Variants in EDNRB observed in about 807,000 individuals in gnomAD.
EDNRB encodes Hirschsprung disease 2.
EDNRB carries 18 observed loss-of-function variants against 46.4 expected under a neutral mutation model. The ratio of observed to expected loss-of-function variants is 0.39; its 90% confidence interval spans 0.27 to 0.57. The LOEUF (loss-of-function observed/expected upper bound fraction) is 0.57. EDNRB is among the 20% of genes least tolerant of loss of function. The pLI is 0.61. For missense variants in EDNRB, 434 were observed against 537.5 expected (o/e 0.81, Z 1.90); for synonymous variants, 213 against 204.9 (o/e 1.04, Z -0.34).
intron 1 of EDNRB, among the ~76,000 whole-genome samples, chr13:77,972,150 A>C (rs1881754664): frequency 6.6e-6 from 1 of 152,162 alleles, no homozygotes; most frequent in South Asian, 2.1e-4. Context: ...TAGCAGAGAG[A>C]GCTTGGCATG....
chr13:77,929,253 C>A (rs1880320372), intron 1 of EDNRB, among the ~76,000 whole-genome samples: 1 of 152,030 alleles, frequency 6.6e-6, no homozygotes. Flanking sequence ...ATAAGAGGAC[C>A]AAAATATACA....
At chr13:77,969,720 C>G (rs1415501148) in intron 1 of EDNRB, among the ~76,000 whole-genome samples, 1 of 152,170 alleles carries the variant, frequency 6.6e-6, no homozygotes, top group African/African-American at 2.4e-5. Flanking sequence ...GGATAATGTG[C>G]TTATGACTGG....
rs1315681281 is a variant in EDNRB, at chr13:77,918,686, G to A, written c.-113C>T. ...GGTCAGCTGCCCGAGCCAAGTCGCTGCAAACGCTAATACCGCCCGCAGCCT... is the reference window on the plus strand; with the variant it reads ...GGTCAGCTGCCCGAGCCAAGTCGCTACAAACGCTAATACCGCCCGCAGCCT... On this transcript the variant is annotated 5_prime_UTR_variant, in exon 1 of 7. Transcript: ENST00000646607. The surrounding 1 kb of genome is among the most constrained non-coding windows in gnomAD (Gnocchi z 4.5). 22 of 1,438,144 alleles carry A rather than the reference G, an allele frequency of 1.5e-5. No homozygotes were observed. The highest frequency in any genetic ancestry group is 1.9e-5 in the Non-Finnish European group (21 of 1,102,708). The allele number at this position is 1,438,144 out of a possible 1,614,324, so 89.1% of individuals were successfully genotyped here.
At chr13:77,904,953 C>G (rs907377753) in intron 1 of EDNRB, among the ~76,000 whole-genome samples, 1 of 151,896 alleles carries the variant, frequency 6.6e-6, no homozygotes, top group Non-Finnish European at 1.5e-5. Flanking sequence ...ACTAGAATGA[C>G]GTCAAAGGCT....
chr13:77,900,651 G>T lies in EDNRB; in HGVS notation c.955C>A (p.Arg319=), dbSNP rs200363611. The part of the protein sequence containing the change: ...IALNDHLKQR[R]EVAKTVFCLV... ...CAAAAGACGGTTTTGGCCACTTCCC[G>T]TCTCTGAAATAAATCCATAGTTTGA... Residue 319 remains arginine, a synonymous_variant, in exon 5 of 7, where the codon CGG becomes AGG. Coordinates refer to ENST00000646607, the MANE Select transcript of EDNRB (RefSeq NM_001122659.3). 1 of 1,612,106 alleles carries T rather than the reference G, an allele frequency of 6.2e-7. No homozygotes were observed. Among genetic ancestry groups the T allele is most frequent in the Admixed American group, 1.7e-5 (1 of 59,798 alleles).
intron 1 of EDNRB, among the ~76,000 whole-genome samples, chr13:77,932,934 G>T (rs574469427): frequency 6.6e-6 from 1 of 152,194 alleles, no homozygotes; most frequent in South Asian, 2.1e-4. Context: ...TAATAAATCT[G>T]TTATGACCAA....
At chr13:77,927,689 C>A (rs985291487) in intron 1 of EDNRB, among the ~76,000 whole-genome samples, 2 of 152,178 alleles carry the variant, frequency 1.3e-5, no homozygotes, top group African/African-American at 2.4e-5. Context: ...CTTCCAGTAT[C>A]TTTATCCATT....
chr13:77,940,697 TTGGG>T (rs1384870019), intron 1 of EDNRB, among the ~76,000 whole-genome samples: 25 of 136,606 alleles, frequency 1.8e-4, no homozygotes, highest in African/African-American at 7.1e-4. Flanking sequence ...AAAAGATGAA[TTGGG>T]TGTGTGTGTG....
At chr13:77,955,783 G>A (rs1158783631) in intron 1 of EDNRB, among the ~76,000 whole-genome samples, 2 of 151,776 alleles carry the variant, frequency 1.3e-5, no homozygotes, top group South Asian at 2.1e-4. Flanking sequence ...GTTAAATTTA[G>A]GTGTGTGGAA....
intron 1 of EDNRB, among the ~76,000 whole-genome samples, chr13:77,945,489 C>T (rs1447219294): frequency 6.6e-6 from 1 of 152,116 alleles, no homozygotes; most frequent in Non-Finnish European, 1.5e-5. Context: ...TATCAGAGAA[C>T]TGAGATCACA....
chr13:77,943,480 T>A (rs1483642239), intron 1 of EDNRB, among the ~76,000 whole-genome samples: 1 of 152,120 alleles, frequency 6.6e-6, no homozygotes. Context: ...CAAACTGAAG[T>A]AACTGCCTGT....
At chr13:77,960,025 A>G (rs1881358733) in intron 1 of EDNRB, among the ~76,000 whole-genome samples, 1 of 152,244 alleles carries the variant, frequency 6.6e-6, no homozygotes, top group Non-Finnish European at 1.5e-5. Flanking sequence ...CCTCCAAGAA[A>G]TATGGGACTG....
At position 77,898,088 on chromosome 13, in the gene EDNRB, AG is replaced by A. The variant is rs893937116; in HGVS notation, c.*111del. The stretch of plus-strand genomic sequence containing the variant: ...AAATAATTACACTTAATATTTTAAT[AG>A]TGTGCTGTGCAAATACATAGTTTTT... On this transcript the variant is annotated 3_prime_UTR_variant, in exon 7 of 7. Coordinates refer to ENST00000646607, the MANE Select transcript of EDNRB (RefSeq NM_001122659.3). 5.5e-5 allele frequency: 83 copies of A among 1,516,640 alleles called. No homozygotes were observed. In the African/African-American group the frequency reaches 9.2e-4, roughly 17 times the overall value. 93.9% of individuals were successfully genotyped at this position (1,516,640 alleles called of 1,614,324 possible). A position where few individuals can be genotyped will look rare whatever the true frequency, so the allele number is the denominator to read the frequency against.
chr13:77,928,396 A>G (rs1276452232), intron 1 of EDNRB, among the ~76,000 whole-genome samples: 1 of 152,150 alleles, frequency 6.6e-6, no homozygotes, highest in Non-Finnish European at 1.5e-5. Context: ...CCCTTTATTT[A>G]TCACAGGGTG....
chr13:77,947,748 A>T (rs1880971416), intron 1 of EDNRB: 1 of 151,304 alleles, frequency 6.6e-6, no homozygotes, highest in African/African-American at 2.4e-5. Context: ...AACTGGGACT[A>T]TATGTGCGTA....
At chr13:77,900,033 TTC>T (rs1878859576) in intron 5 of EDNRB, 66 bp from the exon 6 acceptor site, 1 of 1,385,640 alleles carries the variant, frequency 7.2e-7, no homozygotes, top group African/African-American at 1.4e-5. Context: ...TCATTGTAGC[TTC>T]TGTGCTTTTG....
intron 1 of EDNRB, among the ~76,000 whole-genome samples, chr13:77,964,850 G>C (rs1248990053): frequency 6.6e-6 from 1 of 151,994 alleles, no homozygotes; most frequent in Non-Finnish European, 1.5e-5. Flanking sequence ...CTCTGCCTGG[G>C]GATTTCCTAA....
intron 1 of EDNRB, among the ~76,000 whole-genome samples, chr13:77,933,170 AG>A (rs1880450445): frequency 2.6e-5 from 4 of 152,244 alleles, no homozygotes; most frequent in African/African-American, 9.6e-5. Flanking sequence ...TATCACATAT[AG>A]GTTACACTTC....
At chr13:77,911,172 AC>A (rs1209927311) in intron 1 of EDNRB, among the ~76,000 whole-genome samples, 1 of 152,050 alleles carries the variant, frequency 6.6e-6, no homozygotes, top group Non-Finnish European at 1.5e-5. Flanking sequence ...TTATTAGTTC[AC>A]TTATCTGAGC....
Sources: allele counts gnomAD v4.1 joint callset (sites outside exome capture counted in the v4.1 genomes callset), GRCh38; gene constraint gnomAD v4.1.1; non-coding constraint Gnocchi (gnomAD v3.1); transcripts MANE v1.5; gene names NCBI Gene and HGNC (gene_info 2026-07-23, HGNC 2026-07-21).